The following SLC4A10 variants were observed in gnomAD, a reference collection of about 807,000 sequenced individuals.
The protein encoded by SLC4A10 is sodium-driven chloride bicarbonate exchanger.
Under a neutral mutation model 137.7 loss-of-function variants are expected in SLC4A10, and 42 were observed. The observed-to-expected ratio is 0.30, with a 90% CI of 0.24 to 0.39. The LOEUF is 0.39. Ranked by LOEUF, SLC4A10 falls within the 10% of genes least tolerant of loss-of-function variation. The pLI is 1.00. For synonymous variants in SLC4A10, 474 were observed against 464.1 expected (o/e 1.02, Z -0.27); for missense variants, 925 against 1,355.0 (o/e 0.68, Z 4.98).
intron 2 of SLC4A10, 91 bp downstream of exon 2, chr2:161,771,145 A>G (rs1403747724): frequency 5.3e-6 from 5 of 939,690 alleles, no homozygotes; most frequent in South Asian, 3.0e-5. Context: ...AAGAATTGCA[A>G]AAGTTGGTAT....
At chr2:161,964,113 T>C in intron 21 of SLC4A10, 22 bp from the exon 22 acceptor site, 9 of 1,562,914 alleles carry the variant, frequency 5.8e-6, no homozygotes, top group Middle Eastern at 1.7e-4. Flanking sequence ...CTAAAAACAA[T>C]TTAGTCTGTT....
Position 161,836,580 on chromosome 2 carries a change from GAAA to G in SLC4A10, c.278-3208_278-3206del, listed in dbSNP as rs1575201778. ...AGAAAGAAAGAAAGAAAGAAAGAAA[GAAA>G]GAAAGAAAGAAAGAAAGGAAGGAAG... On this transcript the variant is annotated intron_variant, in intron 3 of 26. Coordinates refer to ENST00000446997, the MANE Select transcript of SLC4A10 (RefSeq NM_001178015.2). Among the ~76,000 whole-genome samples, 25 of 104,156 alleles carry G rather than the reference GAAA, an allele frequency of 2.4e-4. 1 individual carries two copies. In the Middle Eastern group the frequency reaches 0.014, roughly 59 times the overall value. The allele number at this position is 104,156 out of a possible 152,430, so 68.3% of individuals were successfully genotyped here. A position where few individuals can be genotyped will look rare whatever the true frequency, so the allele number is the denominator to read the frequency against.
chr2:161,661,200 C>T (rs553032350), intron 1 of SLC4A10, among the ~76,000 whole-genome samples: 7 of 152,234 alleles, frequency 4.6e-5, no homozygotes, highest in South Asian at 4.1e-4. Context: ...GTTGGCCAGT[C>T]GCAGTAGCTC....
chr2:161,646,933 G>T (rs973853004), intron 1 of SLC4A10, among the ~76,000 whole-genome samples: 2 of 151,926 alleles, frequency 1.3e-5, no homozygotes, highest in South Asian at 4.1e-4. Context: ...GTTACGAAGA[G>T]TTTTATGAGA....
At chr2:161,735,403 G>T (rs1423672849) in intron 1 of SLC4A10, among the ~76,000 whole-genome samples, 2 of 151,878 alleles carry the variant, frequency 1.3e-5, no homozygotes, top group Admixed American at 1.3e-4. Flanking sequence ...GATAATTAAT[G>T]TTTTAATATT....
chr2:161,669,022 A>G (rs2039402044), intron 1 of SLC4A10, among the ~76,000 whole-genome samples: 1 of 151,878 alleles, frequency 6.6e-6, no homozygotes, highest in African/African-American at 2.4e-5. Flanking sequence ...TTTTAAATGA[A>G]TTATTTTATA....
rs555857510 is a variant in SLC4A10 at position 161,742,753 on chromosome 2, T to C, written c.49-28220T>C. ...TGGTGCCCAGCTGGGTTCTCCTTTC[T>C]ATACATCCTTGCTAGCATTTGTTAT... On this transcript the variant is annotated intron_variant, in intron 1 of 26. Coordinates refer to ENST00000446997, the MANE Select transcript of SLC4A10 (RefSeq NM_001178015.2). Among the ~76,000 whole-genome samples, 310 of 152,278 alleles carry C rather than the reference T, an allele frequency of 2.0e-3. 1 individual carries two copies. Among genetic ancestry groups the C allele is most frequent in the African/African-American group, 7.0e-3 (291 of 41,562 alleles).
chr2:161,833,460 CT>C (rs2058568379), intron 3 of SLC4A10, among the ~76,000 whole-genome samples: 1 of 152,192 alleles, frequency 6.6e-6, no homozygotes, highest in Non-Finnish European at 1.5e-5. Context: ...AAGTGACCCC[CT>C]GGAGAATGAA....
intron 4 of SLC4A10, among the ~76,000 whole-genome samples, chr2:161,840,289 T>A (rs562923030): frequency 8.6e-4 from 131 of 152,326 alleles, no homozygotes; most frequent in African/African-American, 3.1e-3. Flanking sequence ...GGGCTTTTTT[T>A]AAAAGAAAGG....
chr2:161,805,796 C>T (rs1020013358), intron 3 of SLC4A10, among the ~76,000 whole-genome samples: 3 of 152,190 alleles, frequency 2.0e-5, no homozygotes, highest in Admixed American at 1.3e-4. Flanking sequence ...GTTGCTTTTC[C>T]GGACACACTA....
intron 1 of SLC4A10, chr2:161,708,690 C>G: frequency 6.6e-7 from 1 of 1,507,740 alleles, no homozygotes; most frequent in South Asian, 1.3e-5. Flanking sequence ...ATTTTTTTCA[C>G]TAGCCCTGAA....
intron 1 of SLC4A10, among the ~76,000 whole-genome samples, chr2:161,711,981 T>C (rs2044341844): frequency 1.3e-5 from 2 of 151,902 alleles, no homozygotes; most frequent in African/African-American, 4.8e-5. Context: ...ATAGACATTC[T>C]AAGAGGTTGG....
chr2:161,885,163 G>C (rs1307915403), intron 10 of SLC4A10, among the ~76,000 whole-genome samples: 2 of 152,050 alleles, frequency 1.3e-5, no homozygotes, highest in Non-Finnish European at 2.9e-5. Flanking sequence ...GGGTGATGGA[G>C]CGAGACTCTG....
At chr2:161,831,035 G>A (rs538593891) in intron 3 of SLC4A10, among the ~76,000 whole-genome samples, 2 of 152,244 alleles carry the variant, frequency 1.3e-5, no homozygotes, top group South Asian at 4.1e-4. Context: ...GTCTAAGACA[G>A]CTACAAGATT....
At chr2:161,927,575 T>C (rs915272156) in intron 15 of SLC4A10, among the ~76,000 whole-genome samples, 3 of 151,896 alleles carry the variant, frequency 2.0e-5, no homozygotes, top group African/African-American at 7.3e-5. Flanking sequence ...ACCATCAGAG[T>C]GAACAGGCAA....
At chr2:161,839,698 T>C in intron 3 of SLC4A10, 91 bp from the exon 4 acceptor site, 1 of 1,438,682 alleles carries the variant, frequency 7.0e-7, no homozygotes, top group Non-Finnish European at 9.5e-7. Context: ...GGTGCGAGCT[T>C]GGGGTGGTGC....
chr2:161,625,066 CGTGTGTGTGTGTGTGTGTGTGT>C (rs5835872), intron 1 of SLC4A10, among the ~76,000 whole-genome samples: 6 of 144,204 alleles, frequency 4.2e-5, no homozygotes, highest in East Asian at 2.1e-4. Flanking sequence ...ACAGAAGGAT[CGTGTGTGTGTGTGTGTGTGTGT>C]GTGTGTGTGT....
intron 1 of SLC4A10, among the ~76,000 whole-genome samples, chr2:161,643,496 T>C (rs2035593679): frequency 6.6e-6 from 1 of 152,146 alleles, no homozygotes; most frequent in South Asian, 2.1e-4. Context: ...ATGGCATATA[T>C]ACTTTTGATG....
intron 1 of SLC4A10, among the ~76,000 whole-genome samples, chr2:161,633,585 A>G (rs940972192): frequency 1.3e-4 from 19 of 151,780 alleles, no homozygotes; most frequent in Non-Finnish European, 2.1e-4. Flanking sequence ...AAGCAATGAA[A>G]AAAATACGTG....
Sources: allele counts gnomAD v4.1 joint callset (sites outside exome capture counted in the v4.1 genomes callset), GRCh38; gene constraint gnomAD v4.1.1; transcripts MANE v1.5; gene names NCBI Gene and HGNC (gene_info 2026-07-23, HGNC 2026-07-21).